Variants in ARID5B observed in about 807,000 individuals in gnomAD.
The protein encoded by ARID5B is AT-rich interaction domain 5B.
Under a neutral mutation model 97.2 loss-of-function variants are expected in ARID5B, and 13 were observed. That is an observed-to-expected ratio of 0.13 (90% confidence interval 0.09 to 0.21). The LOEUF (loss-of-function observed/expected upper bound fraction) is 0.21. Among genes scored for constraint, ARID5B ranks in the 10% least tolerant of loss-of-function variants. The pLI, the probability that ARID5B is intolerant of heterozygous loss-of-function variation, is 1.00. For missense variants in ARID5B, 1,210 were observed against 1,465.3 expected, an observed-to-expected ratio of 0.83 and a Z score of 2.84; for synonymous variants, 556 against 570.3, an observed-to-expected ratio of 0.97 and a Z score of 0.36.
intron 4 of ARID5B, among the ~76,000 whole-genome samples, chr10:62,033,509 C>T (rs1431157943): frequency 6.6e-6 from 1 of 152,208 alleles, no homozygotes; most frequent in Non-Finnish European, 1.5e-5. Flanking sequence ...TACCAGATGC[C>T]TTTTGTCAAA....
Position 62,069,725 on chromosome 10 carries a change from A to G in ARID5B, c.1127A>G (p.His376Arg). ...ATAACAGCCCGCCGTCAGTGGAAAC[A>G]TATTTATGATGAATTAGGCGGTAAT... is the stretch of plus-strand genomic sequence containing the variant. ...ETITARRQWK[H>R]IYDELGGNPG... is the part of the protein sequence containing the mutation. The change falls in exon 8 of 10, where the codon CAT (histidine) becomes CGT (arginine). Residue 376 changes from histidine to arginine, a missense_variant. Around this residue, in one of 8 missense-constraint regions of ARID5B, gnomAD observed 59 missense variants for 156.7 expected, o/e 0.38. Coordinates refer to ENST00000279873, the MANE Select transcript of ARID5B (RefSeq NM_032199.3). 8 of 1,614,128 alleles carry G rather than the reference A, an allele frequency of 5.0e-6. No homozygotes were observed. Among genetic ancestry groups the G allele is most frequent in the Non-Finnish European group, 6.8e-6 (8 of 1,179,988 alleles).
intron 3 of ARID5B, among the ~76,000 whole-genome samples, chr10:61,955,006 CAA>C (rs374587937): frequency 2.3e-5 from 3 of 130,820 alleles, no homozygotes; most frequent in Non-Finnish European, 3.2e-5. Context: ...AACTCCATCT[CAA>C]AAAAAAAAAA....
chr10:62,079,880 G>C (rs919029912), intron 8 of ARID5B, among the ~76,000 whole-genome samples: 1 of 152,220 alleles, frequency 6.6e-6, no homozygotes, highest in Admixed American at 6.5e-5. Flanking sequence ...CCAGAAAAGA[G>C]ACCTTTTGTG....
At chr10:61,918,862 T>C (rs1316944600) in intron 2 of ARID5B, among the ~76,000 whole-genome samples, 1 of 152,128 alleles carries the variant, frequency 6.6e-6, no homozygotes, top group Non-Finnish European at 1.5e-5. Context: ...GGTGAAACCC[T>C]GTCTGTACCA....
At chr10:62,089,842 G>C (rs112175783) in intron 9 of ARID5B, among the ~76,000 whole-genome samples, 3,321 of 152,244 alleles carry the variant, frequency 0.022, 103 homozygotes, top group African/African-American at 0.075. Context: ...CAAAGTTCAA[G>C]GGATGAGATG....
intron 8 of ARID5B, among the ~76,000 whole-genome samples, chr10:62,083,004 T>C (rs1589290257): frequency 6.6e-6 from 1 of 152,108 alleles, no homozygotes; most frequent in African/African-American, 2.4e-5. Context: ...TATAATTATC[T>C]TTCAATGATT....
chr10:62,021,185 T>G (rs1234388024), intron 4 of ARID5B, among the ~76,000 whole-genome samples: 2 of 151,840 alleles, frequency 1.3e-5, no homozygotes, highest in African/African-American at 4.8e-5. Context: ...AAATACTCAC[T>G]CTGGATTCTT....
At chr10:61,966,947 G>A (rs888039625) in intron 3 of ARID5B, among the ~76,000 whole-genome samples, 1 of 151,882 alleles carries the variant, frequency 6.6e-6, no homozygotes, top group Admixed American at 6.6e-5. Context: ...AATTCTGCCC[G>A]CATTTTATTA....
At chr10:62,025,850 T>G (rs1366172430) in intron 4 of ARID5B, among the ~76,000 whole-genome samples, 5 of 149,060 alleles carry the variant, frequency 3.4e-5, no homozygotes, top group African/African-American at 1.2e-4. Flanking sequence ...CATTTTTAAC[T>G]CTGGCAAATT....
intron 3 of ARID5B, among the ~76,000 whole-genome samples, chr10:61,950,100 C>G (rs912909352): frequency 6.6e-6 from 1 of 152,116 alleles, no homozygotes; most frequent in African/African-American, 2.4e-5. Context: ...CTCTGCCTTC[C>G]GGGTTCAAGT....
chr10:61,994,712 GC>G (rs1838973353), intron 3 of ARID5B, among the ~76,000 whole-genome samples: 1 of 152,030 alleles, frequency 6.6e-6, no homozygotes, highest in African/African-American at 2.4e-5. Context: ...TTACAGTTTC[GC>G]TATGGAATTC....
chr10:61,916,865 C>A (rs536703962), intron 2 of ARID5B, among the ~76,000 whole-genome samples: 5 of 152,244 alleles, frequency 3.3e-5, no homozygotes, highest in Admixed American at 3.3e-4. Flanking sequence ...TGTCTAGGAA[C>A]AAGGAAGCCA....
chr10:62,044,320 A>G (rs142359222), intron 4 of ARID5B, among the ~76,000 whole-genome samples: 15 of 151,858 alleles, frequency 9.9e-5, no homozygotes, highest in Non-Finnish European at 2.2e-4. Flanking sequence ...TTGAACATGA[A>G]AAGTGTTTAA....
intron 2 of ARID5B, among the ~76,000 whole-genome samples, chr10:61,918,622 C>T (rs956059654): frequency 6.6e-6 from 1 of 152,158 alleles, no homozygotes; most frequent in East Asian, 1.9e-4. Context: ...TTTTCATTTA[C>T]CCCAAAAGAC....
intron 7 of ARID5B, among the ~76,000 whole-genome samples, chr10:62,067,840 TA>T (rs1363594232): frequency 6.6e-6 from 1 of 152,262 alleles, no homozygotes; most frequent in African/African-American, 2.4e-5. Flanking sequence ...GGGAGGATTA[TA>T]TGATGTCATG....
At chr10:61,915,915 C>A (rs1329337504) in intron 2 of ARID5B, among the ~76,000 whole-genome samples, 1 of 152,174 alleles carries the variant, frequency 6.6e-6, no homozygotes, top group Admixed American at 6.5e-5. Flanking sequence ...ACCACCATGC[C>A]TGGCTAATTT....
intron 1 of ARID5B, 104 bp from the exon 2 acceptor site, chr10:61,902,055 T>C (rs576170453): frequency 2.2e-6 from 3 of 1,347,556 alleles, no homozygotes; most frequent in African/African-American, 3.0e-5. Context: ...TGTTGGGTCG[T>C]CTGTATTAAG....
chr10:62,075,963 C>T (rs150216056), intron 8 of ARID5B, among the ~76,000 whole-genome samples: 17 of 152,310 alleles, frequency 1.1e-4, no homozygotes, highest in African/African-American at 4.1e-4. Context: ...CTGCCATGTG[C>T]AGAGAGCACT....
intron 3 of ARID5B, among the ~76,000 whole-genome samples, chr10:61,965,539 C>T (rs1161171312): frequency 1.3e-5 from 2 of 152,236 alleles, no homozygotes; most frequent in African/African-American, 4.8e-5. Context: ...GTATTCGGTA[C>T]ATTACTACCA....
Sources: allele counts gnomAD v4.1 joint callset (sites outside exome capture counted in the v4.1 genomes callset), GRCh38; gene constraint gnomAD v4.1.1; regional missense constraint gnomAD v4.1.1; transcripts MANE v1.5; gene names NCBI Gene and HGNC (gene_info 2026-07-23, HGNC 2026-07-21).